EXOC5: variants seen among roughly 807,000 people sequenced by gnomAD.
The protein encoded by EXOC5 is exocyst complex component 5, also known as SEC10-like 1.
Under a neutral mutation model 90.8 loss-of-function variants are expected in EXOC5, and 17 were observed. That is an observed-to-expected ratio of 0.19 (90% CI 0.13 to 0.28). The LOEUF is 0.28. Ranked by LOEUF, EXOC5 falls within the 10% of genes least tolerant of loss-of-function variation. The pLI is 1.00. For synonymous variants in EXOC5, 260 were observed against 270.0 expected (o/e 0.96, Z 0.36); for missense variants, 569 against 830.6 (o/e 0.69, Z 3.87).
intron 1 of EXOC5, 102 bp downstream of exon 1, chr14:57,268,520 G>A (rs1884765329): frequency 2.6e-6 from 4 of 1,537,178 alleles, no homozygotes; most frequent in East Asian, 4.9e-5. Context: ...CTCTCCCGAG[G>A]GCTCCTCCTG....
At position 57,246,842 on chromosome 14, in the gene EXOC5, C is replaced by T. The variant is rs775769685; in HGVS notation, c.139G>A (p.Val47Ile). ...FDPKRLLEEF[V>I]NHIQELQIMD... ...ATCTGGAGTTCCTGAATATGATTTA[C>T]AAATTCTTCTAATAATCTAACAGAG... The change falls in exon 3 of 18, where the codon GTA becomes ATA. Residue 47 changes from valine (V) to isoleucine (I), a missense_variant. Val to Ile is a conservative substitution (Grantham distance 29, BLOSUM62 3). Around this residue, in one of 9 missense-constraint regions of EXOC5, gnomAD observed 45 missense variants for 44.6 expected, o/e 1.01. Transcript: ENST00000621441. The T allele has an allele frequency of 7.6e-6, 12 of 1,578,560 alleles. No individual in the cohort carries two copies. Among genetic ancestry groups the T allele is most frequent in the East Asian group, 2.2e-5 (1 of 44,664 alleles).
At chr14:57,212,943 T>C (rs1203166241) in intron 15 of EXOC5, among the ~76,000 whole-genome samples, 1 of 152,220 alleles carries the variant, frequency 6.6e-6, no homozygotes, top group Non-Finnish European at 1.5e-5. Flanking sequence ...TGTTTTTATA[T>C]TTTTCATTAA....
At chr14:57,209,130 C>T (rs1028352510) in intron 17 of EXOC5, among the ~76,000 whole-genome samples, 3 of 152,030 alleles carry the variant, frequency 2.0e-5, no homozygotes, top group Admixed American at 2.0e-4. Flanking sequence ...ATGAAGACAA[C>T]ATTTTTTTCC....
At position 57,210,081 on chromosome 14, in the gene EXOC5, A is replaced by C; in HGVS notation, c.1614-20T>G. On this transcript the variant is annotated intron_variant, in intron 15 of 17. Coordinates refer to ENST00000621441, the MANE Select transcript of EXOC5 (RefSeq NM_006544.4). ...AATGTCCTAGAGAATTGAGAATACA[A>C]CATTCTTTAACCCATCTAACTTACT... The C allele has an allele frequency of 8.8e-7, 1 of 1,136,132 alleles. No individual in the cohort carries two copies. The allele number at this position is 1,136,132 out of a possible 1,614,324, so 70.4% of individuals were successfully genotyped here.
At chr14:57,222,481 T>A in intron 12 of EXOC5, 65 bp from the exon 13 acceptor site, 1 of 849,508 alleles carries the variant, frequency 1.2e-6, no homozygotes, top group Non-Finnish European at 1.9e-6. Flanking sequence ...CAATTTTTTT[T>A]AAGCAATCAA....
chr14:57,265,304 C>T (rs1213217857), intron 1 of EXOC5, among the ~76,000 whole-genome samples: 2 of 152,050 alleles, frequency 1.3e-5, no homozygotes, highest in African/African-American at 2.4e-5. Context: ...AGAACTCTCC[C>T]GTAATGGTAG....
chr14:57,241,014 G>A (rs376137990), intron 4 of EXOC5, among the ~76,000 whole-genome samples: 3 of 151,876 alleles, frequency 2.0e-5, no homozygotes, highest in South Asian at 2.1e-4. Context: ...CACCACACCC[G>A]CTAATTTTGG....
rs554445867 is a variant in EXOC5 at position 57,237,089 on chromosome 14, T to TAC, written c.559+247_559+248dup. ...ATATCTATACATACACATACATATG[T>TAC]ACACACACACATATATAGAATTTAT... On this transcript the variant is annotated intron_variant, in intron 6 of 17. Coordinates refer to ENST00000621441, the MANE Select transcript of EXOC5 (RefSeq NM_006544.4). 2.4e-3 allele frequency among the ~76,000 whole-genome samples: 358 copies of TAC among 152,126 alleles called. 1 individual carries two copies. The highest frequency in any genetic ancestry group is 7.9e-3 in the African/African-American group (327 of 41,518).
chr14:57,242,156 G>GA (rs796910850), intron 4 of EXOC5, among the ~76,000 whole-genome samples: 4,716 of 142,866 alleles, frequency 0.033, 275 homozygotes, highest in African/African-American at 0.11. Flanking sequence ...AGAAAAAAAA[G>GA]AAAAAAAAAC....
In EXOC5 at chr14:57,217,967, AAACC is replaced by A; in HGVS notation, c.1613+11_1613+14del. 7.1e-7 allele frequency: 1 copy of A among 1,416,344 alleles called. No homozygotes were observed. The highest frequency in any genetic ancestry group is 9.9e-7 in the Non-Finnish European group (1 of 1,006,386). The allele number at this position is 1,416,344 out of a possible 1,614,324, so 87.7% of individuals were successfully genotyped here. ...ATAATTTAAAAAAATGCAAGAGACA[AAACC>A]AACAACTTGCCTATCAATGCCAGTA... On this transcript the variant is annotated intron_variant, in intron 15 of 17. Transcript: ENST00000621441.
intron 12 of EXOC5, among the ~76,000 whole-genome samples, chr14:57,224,031 T>C (rs1883229559): frequency 1.3e-5 from 2 of 151,930 alleles, no homozygotes; most frequent in African/African-American, 2.4e-5. Flanking sequence ...AAACACAACA[T>C]ACAAAAATTC....
At position 57,222,896 on chromosome 14, in the gene EXOC5, G is replaced by A. The variant is rs551235048; in HGVS notation, c.1297-480C>T. 3.9e-5 allele frequency among the ~76,000 whole-genome samples: 6 copies of A among 151,994 alleles called. No homozygotes were observed. In the South Asian group the frequency reaches 1.0e-3, roughly 26 times the overall value. On this transcript the variant is annotated intron_variant, in intron 12 of 17. Coordinates refer to ENST00000621441, the MANE Select transcript of EXOC5 (RefSeq NM_006544.4). ...AGAGCCACTGACTGAGCAAAGAACAGTCTAGTAAAACTCAGAACAAAAAGA... is the reference window on the plus strand; with the variant it reads ...AGAGCCACTGACTGAGCAAAGAACAATCTAGTAAAACTCAGAACAAAAAGA...
intron 6 of EXOC5, 37 bp from the exon 7 acceptor site, chr14:57,235,857 A>C (rs762371409): frequency 1.1e-5 from 11 of 963,368 alleles, no homozygotes; most frequent in Non-Finnish European, 1.8e-5. Context: ...TGAGGCATAC[A>C]AGGCATCCAC....
Position 57,244,424 on chromosome 14 carries a change from C to T in EXOC5, c.271-65G>A, listed in dbSNP as rs76481132. ...GCTCAGTTTATAATCTAAACTACTA[C>T]TCTTATTGCTACTAACTAAAGATAA... On this transcript the variant is annotated intron_variant, in intron 3 of 17. Transcript: ENST00000621441. The T allele has an allele frequency of 2.4e-3, 2,602 of 1,081,610 alleles. 55 individuals carry two copies. In the African/African-American group the frequency reaches 0.038, roughly 16 times the overall value. The allele number at this position is 1,081,610 out of a possible 1,614,324, so 67.0% of individuals were successfully genotyped here.
At position 57,230,446 on chromosome 14, in the gene EXOC5, A is replaced by AAC. The variant is rs1555368676; in HGVS notation, c.1149-567_1149-566dup. Among the ~76,000 whole-genome samples the AAC allele has an allele frequency of 1.1e-4, 17 of 148,252 alleles. No individual in the cohort carries two copies. In the East Asian group the frequency reaches 2.7e-3, roughly 24 times the overall value. On this transcript the variant is annotated intron_variant, in intron 11 of 17. Coordinates refer to ENST00000621441, the MANE Select transcript of EXOC5 (RefSeq NM_006544.4). ...GTAAACACACACACACACACACACA[A>AAC]ACACACACACAAATTCCTATTATTC...
intron 5 of EXOC5, among the ~76,000 whole-genome samples, chr14:57,238,043 G>C (rs1226283044): frequency 1.3e-5 from 2 of 151,722 alleles, no homozygotes; most frequent in Admixed American, 1.3e-4. Flanking sequence ...TGTTTGAAGA[G>C]AGAGGAGAGT....
In EXOC5 at chr14:57,246,780, T is replaced by C. The variant is rs754687399; in HGVS notation, c.201A>G (p.Leu67=). 6.2e-7 allele frequency: 1 copy of C among 1,609,282 alleles called. No homozygotes were observed. The highest frequency in any genetic ancestry group is 1.1e-5 in the South Asian group (1 of 90,862). The change falls in exon 3 of 18, where the codon CTA becomes CTG. Residue 67 remains leucine (L), a synonymous_variant. Coordinates refer to ENST00000621441, the MANE Select transcript of EXOC5 (RefSeq NM_006544.4). ...DERIQRKVEK[L]EQQCQKEAKE... ...TGGCTTCTTTCTGACATTGTTGCTC[T>C]AGTTTCTCTACTTTCCTCTGAATCC...
At chr14:57,263,496 G>C (rs183129334) in intron 1 of EXOC5, among the ~76,000 whole-genome samples, 1 of 151,158 alleles carries the variant, frequency 6.6e-6, no homozygotes, top group Non-Finnish European at 1.5e-5. Context: ...GGCCAGGCAC[G>C]GTGGCTCACG....
intron 1 of EXOC5, among the ~76,000 whole-genome samples, chr14:57,256,475 A>G (rs1346842897): frequency 6.6e-6 from 1 of 152,154 alleles, no homozygotes; most frequent in Non-Finnish European, 1.5e-5. Flanking sequence ...TGGGGGCCAC[A>G]GTTCATCTCA....
Sources: allele counts gnomAD v4.1 joint callset (sites outside exome capture counted in the v4.1 genomes callset), GRCh38; gene constraint gnomAD v4.1.1; regional missense constraint gnomAD v4.1.1; transcripts MANE v1.5; gene names NCBI Gene and HGNC (gene_info 2026-07-23, HGNC 2026-07-21).